The following MYLK3 variants were observed in gnomAD, a reference collection of about 807,000 sequenced individuals.
MYLK3 encodes the protein MLC kinase.
In MYLK3, 55 loss-of-function variants were observed where a neutral mutation model predicts 76.3. The observed-to-expected ratio is 0.72, with a 90% CI of 0.58 to 0.90. The LOEUF (loss-of-function observed/expected upper bound fraction) is 0.90. MYLK3 is among the 40% of genes least tolerant of loss of function. The probability of loss-of-function intolerance (pLI) is 0.00; values close to 1 mark genes in which losing one functional copy is unlikely to be tolerated. For synonymous variants in MYLK3, 416 were observed against 425.4 expected, an observed-to-expected ratio of 0.98 and a Z score of 0.27; for missense variants, 973 against 1,053.6, an observed-to-expected ratio of 0.92 and a Z score of 1.06.
chr16:46,735,917 G>A (rs749206023), intron 3 of MYLK3, among the ~76,000 whole-genome samples: 1 of 152,202 alleles, frequency 6.6e-6, no homozygotes, highest in African/African-American at 2.4e-5. Flanking sequence ...CTGTCTACCC[G>A]CCATGTGGCA....
chr16:46,757,395 A>C (rs1397164719), intron 1 of MYLK3: 1 of 985,334 alleles, frequency 1.0e-6, no homozygotes, highest in African/African-American at 1.7e-5. Context: ...CTTACTTCAA[A>C]GCACACTTGC....
intron 8 of MYLK3, among the ~76,000 whole-genome samples, chr16:46,724,872 C>T (rs1406997691): frequency 6.6e-6 from 1 of 152,130 alleles, no homozygotes; most frequent in Non-Finnish European, 1.5e-5. Context: ...ATCTATAGAT[C>T]AATGGGGGAG....
At chr16:46,751,711 G>T, upstream of MYLK3, among the ~76,000 whole-genome samples, 1 of 152,216 alleles carries the variant, frequency 6.6e-6, no homozygotes. Flanking sequence ...TGACAATCCG[G>T]GAAGGGAGCT....
In MYLK3 at chr16:46,710,267, G is replaced by A. The variant is rs1223586921; in HGVS notation, c.2267+370C>T. Reference sequence around the variant, plus strand: ...CTTGACCCATGACTTTGATATAGACGCTGAAGCCTAAATAGATCTTCTTCA... The same window carrying A: ...CTTGACCCATGACTTTGATATAGACACTGAAGCCTAAATAGATCTTCTTCA... On this transcript the variant is annotated intron_variant, in intron 11 of 12. Transcript: ENST00000394809. 5.3e-5 allele frequency among the ~76,000 whole-genome samples: 8 copies of A among 152,182 alleles called. No homozygotes were observed. In the South Asian group the frequency reaches 1.2e-3, roughly 24 times the overall value.
chr16:46,754,313 GAA>G (rs367763916), intron 1 of MYLK3, among the ~76,000 whole-genome samples: 2 of 138,310 alleles, frequency 1.4e-5, no homozygotes, highest in African/African-American at 5.3e-5. Context: ...AAATTTAAAA[GAA>G]AAAAAAAAAA....
intron 1 of MYLK3, among the ~76,000 whole-genome samples, chr16:46,758,461 GAC>G (rs1967235066): frequency 6.6e-6 from 1 of 152,138 alleles, no homozygotes; most frequent in South Asian, 2.1e-4. Context: ...CCTTATTTGA[GAC>G]ACACTGCAGC....
chr16:46,721,078 A>C (rs753285234), intron 9 of MYLK3, 45 bp downstream of exon 9: 2 of 1,538,144 alleles, frequency 1.3e-6, no homozygotes, highest in Non-Finnish European at 9.0e-7. Context: ...AGCCACAAAG[A>C]GTCCCAAGGA....
chr16:46,754,901 CT>C (rs35429909), intron 1 of MYLK3, among the ~76,000 whole-genome samples: 531 of 143,624 alleles, frequency 3.7e-3, no homozygotes, highest in Middle Eastern at 3.6e-3. Context: ...ACAATTCGTG[CT>C]TTTTTTTTTT....
rs576651410 is a variant in MYLK3, at chr16:46,730,547, G to A, written c.1568+46C>T. ...CTCCAGGTGGTCCCGACCCTGCCCC[G>A]TGACTCCTGCTCTAAGCCCCCCAAC... On this transcript the variant is annotated intron_variant, in intron 5 of 12. Transcript: ENST00000394809. 402 of 1,532,746 alleles carry A rather than the reference G, an allele frequency of 2.6e-4. 5 individuals are homozygous for A. The South Asian group carries it at 4.1e-3, about 16-fold the overall frequency. The allele number at this position is 1,532,746 out of a possible 1,614,324, so 94.9% of individuals were successfully genotyped here.
chr16:46,737,566 A>T (rs1966874685), intron 3 of MYLK3, 145 bp downstream of exon 3: 1 of 745,010 alleles, frequency 1.3e-6, no homozygotes, highest in Non-Finnish European at 2.1e-6. Context: ...CTAAGCTCCC[A>T]GAGGCAGGGC....
At chr16:46,739,709 T>G (rs1254385162) in intron 2 of MYLK3, among the ~76,000 whole-genome samples, 4 of 152,262 alleles carry the variant, frequency 2.6e-5, no homozygotes, top group Admixed American at 2.6e-4. Flanking sequence ...AACAAGCATG[T>G]GTTAATTGCT....
intron 8 of MYLK3, 57 bp downstream of exon 8, chr16:46,727,179 G>A (rs1218720899): frequency 1.3e-6 from 2 of 1,577,860 alleles, no homozygotes; most frequent in Admixed American, 1.7e-5. Context: ...AATGGTGAGA[G>A]CACGCCAGGA....
chr16:46,756,704 T>C (rs1244822844), intron 1 of MYLK3, among the ~76,000 whole-genome samples: 2 of 152,232 alleles, frequency 1.3e-5, no homozygotes, highest in Non-Finnish European at 2.9e-5. Context: ...CAAAATGCCA[T>C]AGGGGCTCAC....
chr16:46,732,392 C>A lies in MYLK3; in HGVS notation c.1278G>T (p.Thr426=). 2 of 1,613,694 alleles carry A rather than the reference C, an allele frequency of 1.2e-6. No homozygotes were observed. Among genetic ancestry groups the A allele is most frequent in the Non-Finnish European group, 1.7e-6 (2 of 1,180,010 alleles). ...CGTCACTCCTGGCCAAGCTTGGTCT[C>A]GTGCCAGGCTCGGCCCCAGCCCTTT... is the stretch of plus-strand genomic sequence containing the variant. ...EEQRAGAEPG[T]RPSLARSDDN... Residue 426 remains threonine, a synonymous_variant, in exon 4 of 13, where the codon ACG becomes ACT. Coordinates refer to ENST00000394809, the MANE Select transcript of MYLK3 (RefSeq NM_182493.3).
intron 1 of MYLK3, among the ~76,000 whole-genome samples, chr16:46,747,193 A>C (rs1466801589): frequency 1.3e-5 from 2 of 152,116 alleles, no homozygotes; most frequent in Non-Finnish European, 2.9e-5. Flanking sequence ...CTCCACCCCC[A>C]GGCTCCGGCT....
chr16:46,710,525 G>C, intron 11 of MYLK3, 112 bp downstream of exon 11: 1 of 1,213,498 alleles, frequency 8.2e-7, no homozygotes, highest in Non-Finnish European at 1.2e-6. Flanking sequence ...AAGAAATCTT[G>C]AATGGAATTT....
upstream of MYLK3, among the ~76,000 whole-genome samples, chr16:46,752,689 C>T (rs544106880): frequency 4.5e-4 from 69 of 152,122 alleles, no homozygotes; most frequent in African/African-American, 1.3e-3. Context: ...GCCTGGGCAA[C>T]ATAGCAAGAC....
intron 12 of MYLK3, 24 bp from the exon 13 acceptor site, chr16:46,707,787 G>A: frequency 6.3e-7 from 1 of 1,581,576 alleles, no homozygotes; most frequent in Admixed American, 1.7e-5. Flanking sequence ...GAGAATAAAA[G>A]AAAAGAAAAA....
At chr16:46,755,956 G>A (rs1453736948) in intron 1 of MYLK3, among the ~76,000 whole-genome samples, 5 of 125,526 alleles carry the variant, frequency 4.0e-5, no homozygotes, top group African/African-American at 1.5e-4. Context: ...TGCCCAGGCT[G>A]GAGTGCAGTG....
Sources: allele counts gnomAD v4.1 joint callset (sites outside exome capture counted in the v4.1 genomes callset), GRCh38; gene constraint gnomAD v4.1.1; transcripts MANE v1.5; gene names NCBI Gene and HGNC (gene_info 2026-07-23, HGNC 2026-07-21).